KMT2C: variants seen among roughly 807,000 people sequenced by gnomAD.
KMT2C encodes histone-lysine N-methyltransferase 2C.
KMT2C carries 88 observed loss-of-function variants against 507.9 expected under a neutral mutation model. The ratio of observed to expected loss-of-function variants is 0.17; its 90% CI spans 0.15 to 0.21. The LOEUF is 0.21. Ranked by LOEUF, KMT2C falls within the 10% of genes least tolerant of loss-of-function variation. The probability of loss-of-function intolerance (pLI) is 1.00; values close to 1 mark genes in which losing one functional copy is unlikely to be tolerated. For missense variants in KMT2C, 4,954 were observed against 5,957.8 expected (o/e 0.83, Z 5.55); for synonymous variants, 2,049 against 2,080.8 (o/e 0.98, Z 0.42).
chr7:152,156,013 G>A lies in KMT2C; in HGVS notation c.11857C>T (p.Pro3953Ser), dbSNP rs2092021780. Residue 3953 changes from proline (P) to serine (S), a missense_variant, in exon 46 of 59, where the codon CCC becomes TCC. Pro to Ser is a moderately conservative substitution (Grantham distance 74). This residue lies in a region of KMT2C where 104 missense variants were observed against 134.3 expected (regional missense o/e 0.77). Coordinates refer to ENST00000262189, the MANE Select transcript of KMT2C (RefSeq NM_170606.3). ...GPKPFQLPFR[P>S]QDDLLARALA... ...GCTCGGGCCAACAAGTCGTCCTGGG[G>A]TCTGAAGGGCAGCTGAAATGGTTTA... The A allele has an allele frequency of 1.2e-6, 2 of 1,606,854 alleles. No individual in the cohort carries two copies. Among genetic ancestry groups the A allele is most frequent in the Non-Finnish European group, 1.7e-6 (2 of 1,178,360 alleles).
chr7:152,144,879 G>C lies in KMT2C; in HGVS notation c.14177C>G (p.Pro4726Arg), dbSNP rs2129092886. The C allele has an allele frequency of 6.2e-7, 1 of 1,609,204 alleles. No individual in the cohort carries two copies. The highest frequency in any genetic ancestry group is 8.5e-7 in the Non-Finnish European group (1 of 1,176,442). Reference sequence around the variant, plus strand: ...GGTGCTGGTGCTGTTTAAGGTGTGAGGCCTGCAGACAATGGCATATCAACA... The same window carrying C: ...GGTGCTGGTGCTGTTTAAGGTGTGACGCCTGCAGACAATGGCATATCAACA... ...SAHVKRFVLRPHTLNSTSTSK... is the reference protein window; with the variant it reads ...SAHVKRFVLRRHTLNSTSTSK... Residue 4726 changes from proline (P) to arginine (R), a missense_variant and splice_region_variant, in exon 55 of 59, where the codon CCT (proline) becomes CGT (arginine). Physicochemically the swap from Pro to Arg is moderately radical, Grantham distance 103 (BLOSUM62 -2). Coordinates refer to ENST00000262189, the MANE Select transcript of KMT2C (RefSeq NM_170606.3). The surrounding 1 kb of genome is among the most constrained non-coding windows in gnomAD (Gnocchi z 4.4).
At chr7:152,214,740 T>G (rs187448107) in intron 23 of KMT2C, among the ~76,000 whole-genome samples, 28 of 151,736 alleles carry the variant, frequency 1.8e-4, no homozygotes, top group African/African-American at 6.8e-4. Context: ...AGCAGAATGG[T>G]AGGCAGCGGG....
chr7:152,296,303 G>A (rs1363029961), intron 6 of KMT2C, among the ~76,000 whole-genome samples: 1 of 151,488 alleles, frequency 6.6e-6, no homozygotes, highest in Non-Finnish European at 1.5e-5. Context: ...GCGTGGTGGT[G>A]GGTGCCTATA....
chr7:152,339,155 A>G (rs1473688687), intron 2 of KMT2C, among the ~76,000 whole-genome samples: 1 of 152,228 alleles, frequency 6.6e-6, no homozygotes, highest in Admixed American at 6.5e-5. Flanking sequence ...ACATTAGTAT[A>G]TTCTTTCAAA....
At position 152,196,023 on chromosome 7, in the gene KMT2C, A is replaced by G. The variant is rs775242849; in HGVS notation, c.4274-12T>C. The G allele has an allele frequency of 1.3e-6, 2 of 1,495,322 alleles. No individual in the cohort carries two copies. The highest frequency in any genetic ancestry group is 4.6e-5 in the East Asian group (2 of 43,472). 92.6% of individuals were successfully genotyped at this position (1,495,322 alleles called of 1,614,324 possible). On this transcript the variant is annotated splice_polypyrimidine_tract_variant and intron_variant, in intron 27 of 58. Coordinates refer to ENST00000262189, the MANE Select transcript of KMT2C (RefSeq NM_170606.3). Reference sequence around the variant, plus strand: ...GTCATCAGCAGGACCTAAATATAGTAAATATGTTTTTTAAAATTTCAGTAT... The same window carrying G: ...GTCATCAGCAGGACCTAAATATAGTGAATATGTTTTTTAAAATTTCAGTAT...
At chr7:152,191,094 C>CTATACTCTATACTCTATATTCTATAT (rs1362350214) in intron 31 of KMT2C, among the ~76,000 whole-genome samples, 3 of 152,160 alleles carry the variant, frequency 2.0e-5, no homozygotes, top group Non-Finnish European at 2.9e-5. Flanking sequence ...AAAAAGCATT[C>CTATACTCTATACTCTATATTCTATAT]CTCGAGATTC....
chr7:152,226,851 T>TTA (rs2094949520), intron 18 of KMT2C, among the ~76,000 whole-genome samples: 1 of 152,178 alleles, frequency 6.6e-6, no homozygotes, highest in South Asian at 2.1e-4. Flanking sequence ...CAATAAAAGT[T>TTA]TATTTGCAAA....
Position 152,350,356 on chromosome 7 carries a change from T to C in KMT2C, c.250+8231A>G, listed in dbSNP as rs117641613. Among the ~76,000 whole-genome samples the C allele has an allele frequency of 2.7e-3, 407 of 152,352 alleles. 5 individuals are homozygous for C. Among genetic ancestry groups the C allele is most frequent in the Middle Eastern group, 0.02 (6 of 294 alleles). On this transcript the variant is annotated intron_variant, in intron 2 of 58. Transcript: ENST00000262189. Reference sequence around the variant, plus strand: ...ATTTGTAAGTGTGTGTATAGATCTATGTAATTACAGTCCTCTCAGAACAGG... The same window carrying C: ...ATTTGTAAGTGTGTGTATAGATCTACGTAATTACAGTCCTCTCAGAACAGG...
chr7:152,313,178 A>T (rs2096688786), intron 4 of KMT2C, among the ~76,000 whole-genome samples: 1 of 152,074 alleles, frequency 6.6e-6, no homozygotes, highest in African/African-American at 2.4e-5. Flanking sequence ...CTTTCCTATA[A>T]GTATAATCTC....
rs2116821658 is a variant in KMT2C, at chr7:152,435,719, C to G, written c.68G>C (p.Gly23Ala). Residue 23 changes from glycine (G) to alanine (A), a missense_variant, in exon 1 of 59, where the codon GGA becomes GCA. Gly to Ala is a moderately conservative substitution (Grantham distance 60, BLOSUM62 0). Transcript: ENST00000262189. ...QPPPPPPEEP[G>A]APAPSPAAAD... ...GGCTGCGGGGCTCGGGGCCGGGGCT[C>G]CAGGCTCCTCGGGGGGTGGTGGCGG... 1 of 1,533,524 alleles carries G rather than the reference C, an allele frequency of 6.5e-7. No individual in the cohort carries two copies. The highest frequency in any genetic ancestry group is 1.4e-5 in the African/African-American group (1 of 70,480). The allele number at this position is 1,533,524 out of a possible 1,614,324, so 95.0% of individuals were successfully genotyped here.
At chr7:152,253,514 C>CAAAAAAAAAAAAAA (rs71198770) in intron 9 of KMT2C, among the ~76,000 whole-genome samples, 13 of 39,516 alleles carry the variant, frequency 3.3e-4, no homozygotes, top group African/African-American at 1.0e-3. Context: ...TCTTTCTCTA[C>CAAAAAAAAAAAAAA]AAAAAAAAAA....
At chr7:152,247,667 T>A (rs1195893093) in intron 14 of KMT2C, among the ~76,000 whole-genome samples, 2 of 152,298 alleles carry the variant, frequency 1.3e-5, no homozygotes, top group South Asian at 2.1e-4. Flanking sequence ...ATAGGTTGCA[T>A]CTTTATGGCC....
At chr7:152,419,958 T>G (rs2097768359) in intron 1 of KMT2C, among the ~76,000 whole-genome samples, 1 of 152,246 alleles carries the variant, frequency 6.6e-6, no homozygotes, top group Non-Finnish European at 1.5e-5. Flanking sequence ...CAAAGATGTC[T>G]TCTTTCTTCA....
chr7:152,229,816 T>C lies in KMT2C; in HGVS notation c.2976+107A>G, dbSNP rs564937541. 4 of 614,836 alleles carry C rather than the reference T, an allele frequency of 6.5e-6. No homozygotes were observed. The African/African-American group carries it at 7.6e-5, about 12-fold the overall frequency. The allele number at this position is 614,836 out of a possible 1,614,324, so 38.1% of individuals were successfully genotyped here. A position where few individuals can be genotyped will look rare whatever the true frequency, so the allele number is the denominator to read the frequency against. ...TTAAGTATTTAAATACTGTCACATA[T>C]GTTTAATAATCATAATACTTAATTG... On this transcript the variant is annotated intron_variant, in intron 18 of 58. Coordinates refer to ENST00000262189, the MANE Select transcript of KMT2C (RefSeq NM_170606.3).
chr7:152,198,872 A>T (rs1192994658), intron 27 of KMT2C, among the ~76,000 whole-genome samples: 1 of 152,176 alleles, frequency 6.6e-6, no homozygotes, highest in Non-Finnish European at 1.5e-5. Flanking sequence ...ACTTCACTGT[A>T]GTAACACAGT....
At chr7:152,143,572 T>A (rs1036501867) in intron 55 of KMT2C, among the ~76,000 whole-genome samples, 1 of 152,176 alleles carries the variant, frequency 6.6e-6, no homozygotes, top group African/African-American at 2.4e-5. Flanking sequence ...AGATCCTGAA[T>A]CTCAGGGGTT....
Position 152,196,028 on chromosome 7 carries a change from T to C in KMT2C, c.4274-17A>G. 1.0e-5 allele frequency: 15 copies of C among 1,479,462 alleles called. No individual in the cohort carries two copies. Among genetic ancestry groups the C allele is most frequent in the Non-Finnish European group, 1.4e-5 (15 of 1,077,898 alleles). 91.6% of individuals were successfully genotyped at this position (1,479,462 alleles called of 1,614,324 possible). On this transcript the variant is annotated splice_polypyrimidine_tract_variant and intron_variant, in intron 27 of 58. Transcript: ENST00000262189. Reference sequence around the variant, plus strand: ...CAGCAGGACCTAAATATAGTAAATATGTTTTTTAAAATTTCAGTATTTTCT... The same window carrying C: ...CAGCAGGACCTAAATATAGTAAATACGTTTTTTAAAATTTCAGTATTTTCT...
intron 2 of KMT2C, among the ~76,000 whole-genome samples, chr7:152,335,484 A>G (rs925233264): frequency 1.3e-5 from 2 of 152,146 alleles, no homozygotes; most frequent in Non-Finnish European, 2.9e-5. Context: ...AAATCATTAC[A>G]TTACCCTGAA....
At chr7:152,386,084 CAA>C (rs1033044018) in intron 1 of KMT2C, among the ~76,000 whole-genome samples, 1 of 122,810 alleles carries the variant, frequency 8.1e-6, no homozygotes, top group Non-Finnish European at 1.7e-5. Context: ...GAGACTCCGT[CAA>C]AAAAAAAAAA....
Sources: allele counts gnomAD v4.1 joint callset (sites outside exome capture counted in the v4.1 genomes callset), GRCh38; gene constraint gnomAD v4.1.1; regional missense constraint gnomAD v4.1.1; non-coding constraint Gnocchi (gnomAD v3.1); transcripts MANE v1.5; gene names NCBI Gene and HGNC (gene_info 2026-07-23, HGNC 2026-07-21).